Variants in PDS5B observed in about 807,000 individuals in gnomAD.
PDS5B encodes sister chromatid cohesion protein PDS5 homolog B.
A neutral mutation model predicts 184.1 loss-of-function variants in PDS5B; 51 were observed. That is an observed-to-expected ratio of 0.28 (90% CI 0.22 to 0.35). The LOEUF (loss-of-function observed/expected upper bound fraction) is 0.35, where lower values mean the gene tolerates loss of function less well. Among genes scored for constraint, PDS5B ranks in the 10% least tolerant of loss-of-function variants. The pLI is 1.00. For synonymous variants in PDS5B, 566 were observed against 569.2 expected, an observed-to-expected ratio of 0.99 and a Z score of 0.08; for missense variants, 1,180 against 1,723.3, an observed-to-expected ratio of 0.68 and a Z score of 5.58.
rs748672554 is a variant in PDS5B at position 32,775,020 on chromosome 13, C to T, written c.4312C>T (p.Arg1438Trp). The stretch of plus-strand genomic sequence containing the variant: ...ATCTGGTGACTTTCCTTTTAAGGTA[C>T]GGCGGCGAAGTGCTAAAAGGGAACG... ...EEEEVSTVNV[R>W]RRSAKRERR The change falls in exon 35 of 35, where the codon CGG becomes TGG. Residue 1438 changes from arginine to tryptophan, a missense_variant. This residue lies in a region of PDS5B where 465 missense variants were observed against 497.8 expected (regional missense o/e 0.93). Coordinates refer to ENST00000315596, the MANE Select transcript of PDS5B (RefSeq NM_015032.4). The T allele has an allele frequency of 3.7e-5, 60 of 1,611,358 alleles. No homozygotes were observed. The highest frequency in any genetic ancestry group is 4.5e-5 in the Non-Finnish European group (53 of 1,178,766).
chr13:32,593,103 T>TA (rs1196391865), intron 1 of PDS5B, among the ~76,000 whole-genome samples: 1 of 152,144 alleles, frequency 6.6e-6, no homozygotes, highest in Non-Finnish European at 1.5e-5. Context: ...AAACCAAATG[T>TA]AAATGAGTAG....
intron 1 of PDS5B, among the ~76,000 whole-genome samples, chr13:32,643,315 A>C (rs926433992): frequency 2.0e-5 from 3 of 152,154 alleles, no homozygotes; most frequent in African/African-American, 7.2e-5. Flanking sequence ...ACCTGAAGTC[A>C]TGCAGCTATT....
intron 1 of PDS5B, among the ~76,000 whole-genome samples, chr13:32,602,578 G>A (rs2140486782): frequency 6.6e-6 from 1 of 152,242 alleles, no homozygotes; most frequent in African/African-American, 2.4e-5. Flanking sequence ...TGTCTTTATA[G>A]CAGCATGACT....
chr13:32,762,575 T>G (rs1368417792), intron 30 of PDS5B, among the ~76,000 whole-genome samples: 2 of 152,130 alleles, frequency 1.3e-5, no homozygotes, highest in Admixed American at 6.5e-5. Context: ...CATCAACTCA[T>G]TTTCTAAATT....
chr13:32,661,661 A>G (rs1950651783), intron 6 of PDS5B, among the ~76,000 whole-genome samples: 1 of 152,046 alleles, frequency 6.6e-6, no homozygotes, highest in Admixed American at 6.6e-5. Flanking sequence ...TTTATGGATT[A>G]GTGAGAAAAA....
intron 1 of PDS5B, among the ~76,000 whole-genome samples, chr13:32,638,874 G>T (rs1282490515): frequency 1.3e-5 from 2 of 151,948 alleles, no homozygotes; most frequent in African/African-American, 4.8e-5. Context: ...ATGTACATAG[G>T]CATGTAAATT....
At chr13:32,723,311 T>G (rs498745) in intron 19 of PDS5B, among the ~76,000 whole-genome samples, 20,917 of 152,208 alleles carry the variant, frequency 0.14, 1,826 homozygotes, top group South Asian at 0.31. Context: ...ATGTTGACAG[T>G]ATTGTTTCAG....
intron 1 of PDS5B, among the ~76,000 whole-genome samples, chr13:32,601,730 T>C (rs923517396): frequency 8.5e-5 from 13 of 152,228 alleles, no homozygotes; most frequent in Admixed American, 7.9e-4. Flanking sequence ...TAGGACCAGC[T>C]CAAGTCCAAA....
chr13:32,750,491 A>G (rs913176565), intron 24 of PDS5B, among the ~76,000 whole-genome samples: 2 of 152,078 alleles, frequency 1.3e-5, no homozygotes, highest in African/African-American at 4.8e-5. Flanking sequence ...GAGGGTAGAT[A>G]ACTTTCTGTG....
At chr13:32,613,005 T>C (rs1054041051) in intron 1 of PDS5B, among the ~76,000 whole-genome samples, 4 of 152,234 alleles carry the variant, frequency 2.6e-5, no homozygotes, top group East Asian at 1.9e-4. Flanking sequence ...TGAAATCATA[T>C]TGTGTTTTGT....
chr13:32,592,441 G>C (rs539866876), intron 1 of PDS5B, among the ~76,000 whole-genome samples: 2 of 152,050 alleles, frequency 1.3e-5, no homozygotes, highest in South Asian at 4.2e-4. Context: ...ATTTTTAGTA[G>C]AGACAGGGTT....
At chr13:32,764,643 T>TATCATTACATTACATTATC (rs779146493) in intron 31 of PDS5B, 49 bp downstream of exon 31, 1 of 1,015,642 alleles carries the variant, frequency 9.8e-7, no homozygotes, top group Admixed American at 2.4e-5. Flanking sequence ...TAATTTTACT[T>TATCATTACATTACATTATC]AGTAATGTTT....
At chr13:32,645,391 A>C (rs951024337) in intron 1 of PDS5B, among the ~76,000 whole-genome samples, 1 of 152,232 alleles carries the variant, frequency 6.6e-6, no homozygotes, top group East Asian at 1.9e-4. Context: ...TTTGTATGAC[A>C]TGGGAAATAT....
intron 14 of PDS5B, among the ~76,000 whole-genome samples, chr13:32,696,323 G>T (rs534632742): frequency 1.3e-5 from 2 of 152,004 alleles, no homozygotes; most frequent in Non-Finnish European, 2.9e-5. Context: ...GACTTTACAT[G>T]CAGTAGTACA....
chr13:32,619,774 C>T (rs2140531530), intron 1 of PDS5B, among the ~76,000 whole-genome samples: 1 of 152,216 alleles, frequency 6.6e-6, no homozygotes, highest in African/African-American at 2.4e-5. Context: ...ATTTTCTCCA[C>T]ATAGGTCTGA....
chr13:32,690,789 T>C (rs1951526579), intron 13 of PDS5B: 1 of 152,118 alleles, frequency 6.6e-6, no homozygotes, highest in Non-Finnish European at 1.5e-5. Flanking sequence ...TCTGGACCAG[T>C]ACTCAAAAGG....
intron 5 of PDS5B, 89 bp downstream of exon 5, chr13:32,658,620 T>C: frequency 1.6e-6 from 1 of 634,624 alleles, no homozygotes; most frequent in Non-Finnish European, 2.8e-6. Context: ...TTACAATGAA[T>C]ATTAGAAGGC....
chr13:32,755,859 C>T lies in PDS5B; in HGVS notation c.2959C>T (p.Leu987=). The T allele has an allele frequency of 1.4e-6, 2 of 1,394,974 alleles. No homozygotes were observed. Among genetic ancestry groups the T allele is most frequent in the Non-Finnish European group, 2.0e-6 (2 of 1,024,722 alleles). The allele number at this position is 1,394,974 out of a possible 1,614,324, so 86.4% of individuals were successfully genotyped here. A position where few individuals can be genotyped will look rare whatever the true frequency, so the allele number is the denominator to read the frequency against. Reference sequence around the variant, plus strand: ...TTTTTCAGAAAAATTATTGTCTCTTCTACCAGAGTATGTTGTTCCATATAC... The same window carrying T: ...TTTTTCAGAAAAATTATTGTCTCTTTTACCAGAGTATGTTGTTCCATATAC... ...AAVSEKLLSL[L]PEYVVPYTIH... Residue 987 remains leucine (L), a synonymous_variant, in exon 26 of 35, where the codon CTA becomes TTA. Transcript: ENST00000315596.
At chr13:32,649,831 T>G (rs1316655749) in intron 2 of PDS5B, 1 of 152,180 alleles carries the variant, frequency 6.6e-6, no homozygotes, top group Non-Finnish European at 1.5e-5. Flanking sequence ...TTAAATTTAC[T>G]AATAGGTGGA....
Sources: gnomAD v4.1 joint callset for allele counts (sites outside exome capture counted in the v4.1 genomes callset) on GRCh38, gnomAD v4.1.1 for gene constraint, gnomAD v4.1.1 regional missense constraint, MANE v1.5 for transcripts, NCBI Gene and HGNC (gene_info 2026-07-23, HGNC 2026-07-21) for gene names.